GALNT13: variants seen among roughly 807,000 people sequenced by gnomAD.
The protein encoded by GALNT13 is polypeptide N-acetylgalactosaminyltransferase 13, also known as UDP-GalNAc:polypeptide N-acetylgalactosaminyltransferase 13.
A neutral mutation model predicts 64.2 loss-of-function variants in GALNT13; 28 were observed. That is an observed-to-expected ratio of 0.44 (90% CI 0.32 to 0.60). The LOEUF (loss-of-function observed/expected upper bound fraction) is 0.60, where lower values mean the gene tolerates loss of function less well. Among genes scored for constraint, GALNT13 ranks in the 20% least tolerant of loss-of-function variants. The pLI, the probability that GALNT13 is intolerant of heterozygous loss-of-function variation, is 0.05. For missense variants in GALNT13, 577 were observed against 669.8 expected (o/e 0.86, Z 1.53); for synonymous variants, 214 against 224.6 (o/e 0.95, Z 0.42).
At chr2:153,596,884 A>T in the GALNT13 span, among the ~76,000 whole-genome samples, 1 of 152,116 alleles carries the variant, frequency 6.6e-6, no homozygotes, top group Non-Finnish European at 1.5e-5. Flanking sequence ...CAAAGCAGTA[A>T]TTAAAATATG....
chr2:153,640,655 G>A, the GALNT13 span, among the ~76,000 whole-genome samples: 4 of 151,964 alleles, frequency 2.6e-5, no homozygotes, highest in African/African-American at 9.7e-5. Flanking sequence ...GGTGGCACAC[G>A]ACTGTAGTCC....
chr2:154,425,345 T>A (rs1700424999), intron 11 of GALNT13, among the ~76,000 whole-genome samples: 1 of 152,236 alleles, frequency 6.6e-6, no homozygotes, highest in African/African-American at 2.4e-5. Context: ...TACAATAGTT[T>A]ATCTAGGTGT....
the GALNT13 span, among the ~76,000 whole-genome samples, chr2:153,205,608 C>A: frequency 6.6e-6 from 1 of 151,962 alleles, no homozygotes; most frequent in Non-Finnish European, 1.5e-5. Context: ...CTCAAGTAAC[C>A]CAATCAATCC....
chr2:154,375,408 G>GA (rs1697932029), intron 9 of GALNT13, among the ~76,000 whole-genome samples: 1 of 152,108 alleles, frequency 6.6e-6, no homozygotes, highest in African/African-American at 2.4e-5. Flanking sequence ...TCACCCTCCG[G>GA]AAAAACCCTG....
At chr2:153,495,552 CA>C in the GALNT13 span, among the ~76,000 whole-genome samples, 1 of 151,836 alleles carries the variant, frequency 6.6e-6, no homozygotes, top group African/African-American at 2.4e-5. Flanking sequence ...AAAAAGTACT[CA>C]AAAAAACAAA....
intron 3 of GALNT13, among the ~76,000 whole-genome samples, chr2:154,020,613 T>A (rs915879455): frequency 9.5e-4 from 144 of 152,204 alleles, no homozygotes; most frequent in African/African-American, 3.3e-3. Flanking sequence ...CTTTGTCAGA[T>A]GAGTAGGTTG....
chr2:154,132,259 C>A (rs2105550722), intron 3 of GALNT13, among the ~76,000 whole-genome samples: 1 of 152,230 alleles, frequency 6.6e-6, no homozygotes, highest in African/African-American at 2.4e-5. Flanking sequence ...ATAGATAATG[C>A]AAATGAAAGA....
the GALNT13 span, among the ~76,000 whole-genome samples, chr2:153,388,345 TAAAG>T: frequency 6.6e-6 from 1 of 151,912 alleles, no homozygotes; most frequent in Non-Finnish European, 1.5e-5. Flanking sequence ...GTAGAAGAAA[TAAAG>T]AGAGTAAACC....
At chr2:153,229,964 A>G in the GALNT13 span, among the ~76,000 whole-genome samples, 1 of 152,212 alleles carries the variant, frequency 6.6e-6, no homozygotes. Context: ...TGTCCAGTAA[A>G]ATCATTTGCT....
intron 3 of GALNT13, among the ~76,000 whole-genome samples, chr2:154,065,013 G>C (rs1700387507): frequency 6.6e-6 from 1 of 152,028 alleles, no homozygotes; most frequent in Admixed American, 6.6e-5. Context: ...GCCATGAAGG[G>C]TGAGTCCTAA....
the GALNT13 span, among the ~76,000 whole-genome samples, chr2:153,138,777 G>A: frequency 6.6e-6 from 1 of 151,986 alleles, no homozygotes; most frequent in African/African-American, 2.4e-5. Context: ...CATTCACACA[G>A]CTTTCGCAAT....
intron 3 of GALNT13, among the ~76,000 whole-genome samples, chr2:154,044,080 A>T (rs1699157863): frequency 2.1e-5 from 2 of 93,682 alleles, no homozygotes; most frequent in Admixed American, 2.1e-4. Flanking sequence ...TCAAAAAAAT[A>T]AAAAATAAAA....
chr2:153,565,029 G>A, the GALNT13 span, among the ~76,000 whole-genome samples: 9 of 152,134 alleles, frequency 5.9e-5, no homozygotes, highest in African/African-American at 2.2e-4. Context: ...AGCTGAATGG[G>A]CTTAGGATGC....
rs530114741 is a variant in GALNT13 at position 154,194,427 on chromosome 2, G to A, written c.312-47603G>A. ...GGGAAGAAGAGCCCACCGGGTTGAA[G>A]TTTAACTATGAAAATACAGTGTAGA... On this transcript the variant is annotated intron_variant, in intron 4 of 12. Transcript: ENST00000392825. Among the ~76,000 whole-genome samples the A allele has an allele frequency of 2.2e-4, 34 of 152,290 alleles. 3 individuals are homozygous for A. Among genetic ancestry groups the A allele is most frequent in the Admixed American group, 5.9e-4 (9 of 15,296 alleles).
the GALNT13 span, among the ~76,000 whole-genome samples, chr2:153,271,250 A>G: frequency 2.6e-5 from 4 of 152,134 alleles, no homozygotes; most frequent in East Asian, 5.8e-4. Flanking sequence ...ATTCAGCATA[A>G]TATTGGAAGT....
the GALNT13 span, among the ~76,000 whole-genome samples, chr2:153,374,262 T>A: frequency 1.3e-5 from 2 of 152,198 alleles, no homozygotes; most frequent in Non-Finnish European, 2.9e-5. Flanking sequence ...ACTTGTTACC[T>A]GTTAGCCATC....
At chr2:153,583,626 C>T in the GALNT13 span, among the ~76,000 whole-genome samples, 1 of 152,050 alleles carries the variant, frequency 6.6e-6, no homozygotes, top group Admixed American at 6.6e-5. Context: ...GCATATTCAC[C>T]CTCCCAAGCT....
chr2:153,231,117 G>C, the GALNT13 span, among the ~76,000 whole-genome samples: 3 of 152,054 alleles, frequency 2.0e-5, no homozygotes, highest in Non-Finnish European at 4.4e-5. Flanking sequence ...CTATGTTTTA[G>C]CTTTTTCACC....
chr2:153,531,052 TA>T, the GALNT13 span, among the ~76,000 whole-genome samples: 4 of 152,230 alleles, frequency 2.6e-5, no homozygotes, highest in African/African-American at 9.6e-5. Context: ...CATATCAAGT[TA>T]AAAAACTTCT....
Sources: gnomAD v4.1 joint callset for allele counts (sites outside exome capture counted in the v4.1 genomes callset) on GRCh38, gnomAD v4.1.1 for gene constraint, MANE v1.5 for transcripts, NCBI Gene and HGNC (gene_info 2026-07-23, HGNC 2026-07-21) for gene names.